Variants in COPS9 observed in about 807,000 individuals in gnomAD.
COPS9 encodes COP9 signalosome complex subunit 9.
Under a neutral mutation model 7.2 loss-of-function variants are expected in COPS9, and 8 were observed. The observed-to-expected ratio is 1.11, with a 90% CI of 0.65 to 2.00. COPS9 has a LOEUF of 2.00. Among genes scored for constraint, COPS9 ranks in the 30% most tolerant of loss-of-function variants. COPS9 has a pLI of 0.00. For missense variants in COPS9, 74 were observed against 77.7 expected (o/e 0.95, Z 0.18); for synonymous variants, 39 against 28.7 (o/e 1.36, Z -1.14).
At chr2:240,129,063 T>A (rs114090170), downstream of COPS9, among the ~76,000 whole-genome samples, 122 of 152,194 alleles carry the variant, frequency 8.0e-4, 1 homozygote, top group African/African-American at 2.9e-3. Flanking sequence ...TCTGCCTGAG[T>A]TCCTCTGCGG....
downstream of COPS9, chr2:240,126,791 C>G: frequency 6.2e-7 from 1 of 1,614,240 alleles, no homozygotes; most frequent in Non-Finnish European, 8.5e-7. Context: ...GTCCTGTGCC[C>G]ATTTTCCCCT....
chr2:240,133,055 C>G (rs1443187439), intron 2 of COPS9, among the ~76,000 whole-genome samples: 2 of 152,210 alleles, frequency 1.3e-5, no homozygotes, highest in African/African-American at 4.8e-5. Context: ...GGCTGCCTGA[C>G]AGTAAGCCTG....
At chr2:240,135,591 T>A (rs1206461591) in intron 1 of COPS9, among the ~76,000 whole-genome samples, 4 of 152,130 alleles carry the variant, frequency 2.6e-5, no homozygotes, top group Admixed American at 2.6e-4. Context: ...ACAAGGTCAC[T>A]CTGTGAACAC....
rs3749077 is a variant in COPS9, at chr2:240,130,929, A to C, written c.*122T>G. On this transcript the variant is annotated 3_prime_UTR_variant, in exon 3 of 3. Coordinates refer to ENST00000607357, the MANE Select transcript of COPS9 (RefSeq NM_001163424.2). ...TAAGAACAGTCTTATCTTTCTGGTT[A>C]ACCAGGTCCTAAATTCAAGGGATTT... is the stretch of plus-strand genomic sequence containing the variant. 20,070 of 1,492,126 alleles carry C rather than the reference A, an allele frequency of 0.013. 287 individuals are homozygous for C. Among genetic ancestry groups the C allele is most frequent in the East Asian group, 0.069 (2,799 of 40,798 alleles). 92.4% of individuals were successfully genotyped at this position (1,492,126 alleles called of 1,614,324 possible).
chr2:240,126,637 T>C (rs373590237), downstream of COPS9: 36 of 1,614,072 alleles, frequency 2.2e-5, no homozygotes, highest in African/African-American at 4.5e-4. Context: ...GTTTCATCAC[T>C]CTTAAAACAT....
downstream of COPS9, among the ~76,000 whole-genome samples, chr2:240,127,890 G>C (rs970082623): frequency 3.3e-5 from 5 of 152,066 alleles, no homozygotes; most frequent in Non-Finnish European, 7.4e-5. Context: ...ACCCTCCCTG[G>C]ATTCACTGCC....
At chr2:240,130,804 G>T, downstream of COPS9, 1 of 1,380,146 alleles carries the variant, frequency 7.2e-7, no homozygotes, top group South Asian at 1.9e-5. Context: ...ACTCATAAGT[G>T]CAAGAAAGAG....
rs2071915536 is a variant in COPS9 at position 240,130,932 on chromosome 2, C to T, written c.*119G>A. The stretch of plus-strand genomic sequence containing the variant: ...GAACAGTCTTATCTTTCTGGTTAAC[C>T]AGGTCCTAAATTCAAGGGATTTCCA... On this transcript the variant is annotated 3_prime_UTR_variant, in exon 3 of 3. Transcript: ENST00000607357. 2.7e-6 allele frequency: 4 copies of T among 1,494,872 alleles called. No homozygotes were observed. The highest frequency in any genetic ancestry group is 1.8e-6 in the Non-Finnish European group (2 of 1,121,858). 92.6% of individuals were successfully genotyped at this position (1,494,872 alleles called of 1,614,324 possible).
chr2:240,136,316 G>C (rs777345292), upstream of COPS9: 2 of 1,539,546 alleles, frequency 1.3e-6, no homozygotes, highest in Non-Finnish European at 1.7e-6. Flanking sequence ...GCTCACTTCC[G>C]GCCTCAGAGC....
downstream of COPS9, among the ~76,000 whole-genome samples, chr2:240,130,447 C>T (rs768482519): frequency 2.8e-4 from 42 of 152,318 alleles, no homozygotes; most frequent in Admixed American, 9.1e-4. Flanking sequence ...TGCATTTCCA[C>T]GTAGAAGGCG....
chr2:240,134,109 G>A (rs2071949672), intron 1 of COPS9, 104 bp from the exon 2 acceptor site: 4 of 1,023,974 alleles, frequency 3.9e-6, no homozygotes, highest in Non-Finnish European at 6.0e-6. Context: ...AGATGGGTGA[G>A]GGGAAACAGG....
downstream of COPS9, chr2:240,126,602 T>C: frequency 6.2e-7 from 1 of 1,614,174 alleles, no homozygotes; most frequent in Non-Finnish European, 8.5e-7. Context: ...TCTTCTTCCC[T>C]TCTTCTCCAC....
At chr2:240,134,891 T>A (rs1429479991) in intron 1 of COPS9, among the ~76,000 whole-genome samples, 1 of 152,112 alleles carries the variant, frequency 6.6e-6, no homozygotes, top group African/African-American at 2.4e-5. Flanking sequence ...TGCTCTCATT[T>A]TTCTACCCTC....
intron 1 of COPS9, chr2:240,136,016 C>T: frequency 3.6e-6 from 3 of 826,132 alleles, no homozygotes; most frequent in Non-Finnish European, 5.2e-6. Context: ...CTAGGGCACA[C>T]GCTTCCCGCC....
chr2:240,126,832 G>A, downstream of COPS9: 2 of 1,614,194 alleles, frequency 1.2e-6, no homozygotes, highest in East Asian at 4.5e-5. Flanking sequence ...CCACACAGCG[G>A]ATGTTCTCTG....
At chr2:240,129,775 G>A, downstream of COPS9, 1 of 672,964 alleles carries the variant, frequency 1.5e-6, no homozygotes, top group Non-Finnish European at 2.6e-6. Flanking sequence ...CCCTCTCCAA[G>A]TGCAGACGAC....
chr2:240,130,768 A>G, downstream of COPS9: 2 of 1,327,632 alleles, frequency 1.5e-6, no homozygotes, highest in Non-Finnish European at 1.9e-6. Context: ...ACAAACACAC[A>G]GAGACGTTTA....
chr2:240,126,976 G>A (rs751131271), downstream of COPS9: 13 of 1,598,416 alleles, frequency 8.1e-6, no homozygotes, highest in Admixed American at 1.7e-5. Context: ...ACACTAGAAC[G>A]AGGTCTGGTA....
chr2:240,129,398 T>C (rs541839727), downstream of COPS9, among the ~76,000 whole-genome samples: 1 of 152,272 alleles, frequency 6.6e-6, no homozygotes, highest in Admixed American at 6.5e-5. Flanking sequence ...ACTCTTGGCC[T>C]CAAGTGACCC....
Sources: gnomAD v4.1 joint callset for allele counts (sites outside exome capture counted in the v4.1 genomes callset) on GRCh38, gnomAD v4.1.1 for gene constraint, MANE v1.5 for transcripts, NCBI Gene and HGNC (gene_info 2026-07-23, HGNC 2026-07-21) for gene names.